Variants in LGSN observed in about 807,000 individuals in gnomAD.
LGSN encodes the protein lengsin.
LGSN carries 21 observed loss-of-function variants against 19.5 expected under a neutral mutation model. The ratio of observed to expected loss-of-function variants is 1.07; its 90% CI spans 0.76 to 1.55. The LOEUF is 1.55. Ranked by LOEUF, LGSN falls within the 40% of genes most tolerant of loss-of-function variation. LGSN has a pLI of 0.00. For missense variants in LGSN, 673 were observed against 608.5 expected (o/e 1.11, Z -1.12); for synonymous variants, 257 against 215.6 (o/e 1.19, Z -1.68).
chr6:63,362,991 C>A, the LGSN span, among the ~76,000 whole-genome samples: 1 of 152,278 alleles, frequency 6.6e-6, no homozygotes, highest in East Asian at 1.9e-4. Context: ...CCCTCTGAGA[C>A]GAAGCTTCCA....
the LGSN span, among the ~76,000 whole-genome samples, chr6:63,510,280 A>G: frequency 1.3e-5 from 2 of 151,950 alleles, no homozygotes; most frequent in Non-Finnish European, 2.9e-5. Context: ...TCTTAGTTCC[A>G]CCTCATCTGC....
chr6:63,452,100 A>G, the LGSN span, among the ~76,000 whole-genome samples: 1,951 of 149,350 alleles, frequency 0.013, 39 homozygotes, highest in African/African-American at 0.046. Context: ...TGCTGGTCCC[A>G]TAAAGTGAGT....
the LGSN span, among the ~76,000 whole-genome samples, chr6:63,506,291 T>A: frequency 6.6e-6 from 1 of 151,856 alleles, no homozygotes; most frequent in African/African-American, 2.4e-5. Flanking sequence ...TTGAGACAAG[T>A]CTCGCACTGT....
upstream of LGSN, among the ~76,000 whole-genome samples, chr6:63,321,810 G>T (rs146946024): frequency 2.6e-5 from 4 of 152,220 alleles, no homozygotes; most frequent in African/African-American, 9.6e-5. Flanking sequence ...TCATTCACAA[G>T]CATTTGTTCA....
At chr6:63,367,836 C>T in the LGSN span, among the ~76,000 whole-genome samples, 2 of 151,408 alleles carry the variant, frequency 1.3e-5, no homozygotes, top group African/African-American at 4.9e-5. Context: ...CAAACTATTG[C>T]AAGGACAGAA....
chr6:63,420,267 G>C, the LGSN span, among the ~76,000 whole-genome samples: 1 of 151,216 alleles, frequency 6.6e-6, no homozygotes, highest in Admixed American at 6.6e-5. Context: ...GCATCCCCCC[G>C]GCCCCCTGGG....
the LGSN span, among the ~76,000 whole-genome samples, chr6:63,336,695 G>A: frequency 1.3e-5 from 2 of 150,408 alleles, no homozygotes; most frequent in African/African-American, 2.5e-5. Flanking sequence ...GCATCATCTC[G>A]GCTCACTGCA....
chr6:63,330,946 C>A, the LGSN span, among the ~76,000 whole-genome samples: 1 of 152,226 alleles, frequency 6.6e-6, no homozygotes, highest in Non-Finnish European at 1.5e-5. Flanking sequence ...ATGTACCTAT[C>A]AGGATCATCT....
At chr6:63,379,776 C>A in the LGSN span, among the ~76,000 whole-genome samples, 1 of 152,012 alleles carries the variant, frequency 6.6e-6, no homozygotes, top group African/African-American at 2.4e-5. Context: ...TGTTTTTTTA[C>A]AAAAATTTTG....
the LGSN span, among the ~76,000 whole-genome samples, chr6:63,527,353 A>C: frequency 6.6e-6 from 1 of 152,208 alleles, no homozygotes; most frequent in African/African-American, 2.4e-5. Context: ...GTATCACCAC[A>C]GTAACCCACA....
rs1202047171 is a variant in LGSN, at chr6:63,280,723, A to G, written c.828T>C (p.Ile276=). The G allele has an allele frequency of 1.9e-6, 3 of 1,614,048 alleles. No individual in the cohort carries two copies. Among genetic ancestry groups the G allele is most frequent in the Non-Finnish European group, 1.7e-6 (2 of 1,180,030 alleles). The change falls in exon 4 of 4, where the codon ATT becomes ATC. Residue 276 remains isoleucine, a synonymous_variant. Coordinates refer to ENST00000370657, the MANE Select transcript of LGSN (RefSeq NM_016571.3). ...MEISFLPEFG[I]SSADNAFTLR... ...GGGTAAATGCATTATCAGCTGAGCT[A>G]ATGCCAAATTCAGGCAGGAAAGAGA...
At chr6:63,456,410 G>C in the LGSN span, among the ~76,000 whole-genome samples, 2 of 56,484 alleles carry the variant, frequency 3.5e-5, no homozygotes, top group Admixed American at 4.2e-4. Flanking sequence ...TTTTTTTTTT[G>C]GTAGAGACGA....
At chr6:63,360,053 C>T in the LGSN span, among the ~76,000 whole-genome samples, 1 of 152,138 alleles carries the variant, frequency 6.6e-6, no homozygotes, top group Non-Finnish European at 1.5e-5. Flanking sequence ...GACGGGCTTC[C>T]CTTTGTGAGT....
At chr6:63,405,095 G>T in the LGSN span, among the ~76,000 whole-genome samples, 3 of 151,550 alleles carry the variant, frequency 2.0e-5, no homozygotes, top group Non-Finnish European at 2.9e-5. Context: ...TGAGAATGAT[G>T]ATTTCCAATT....
the LGSN span, among the ~76,000 whole-genome samples, chr6:63,373,560 G>A: frequency 6.6e-6 from 1 of 152,142 alleles, no homozygotes; most frequent in South Asian, 2.1e-4. Context: ...CTTAAGAAAT[G>A]TTAGGTCATA....
chr6:63,377,892 C>T, the LGSN span, among the ~76,000 whole-genome samples: 215 of 119,736 alleles, frequency 1.8e-3, 1 homozygote, highest in Middle Eastern at 0.032. Context: ...CCAGCCTGGG[C>T]GACAGAGAGA....
At chr6:63,379,769 T>G in the LGSN span, among the ~76,000 whole-genome samples, 1 of 152,170 alleles carries the variant, frequency 6.6e-6, no homozygotes, top group Non-Finnish European at 1.5e-5. Context: ...TTGTTTTTGT[T>G]TTTTTACAAA....
At chr6:63,340,461 T>C in the LGSN span, among the ~76,000 whole-genome samples, 12 of 152,128 alleles carry the variant, frequency 7.9e-5, no homozygotes, top group Admixed American at 7.9e-4. Context: ...TTCTTTTTTA[T>C]TCTGTTGTTG....
the LGSN span, among the ~76,000 whole-genome samples, chr6:63,456,335 A>C: frequency 1.5e-5 from 2 of 132,510 alleles, no homozygotes; most frequent in African/African-American, 2.9e-5. Flanking sequence ...GCAGACCTCA[A>C]ACTTGGCAGA....
Sources: gnomAD v4.1 joint callset for allele counts (sites outside exome capture counted in the v4.1 genomes callset) on GRCh38, gnomAD v4.1.1 for gene constraint, MANE v1.5 for transcripts, NCBI Gene and HGNC (gene_info 2026-07-23, HGNC 2026-07-21) for gene names.